The following CLASP2 variants were observed in gnomAD, a reference collection of about 807,000 sequenced individuals.
CLASP2 encodes cytoplasmic linker associated protein 2, also known as CLIP-associating protein 2.
CLASP2 carries 47 observed loss-of-function variants against 194.4 expected under a neutral mutation model. The observed-to-expected ratio is 0.24, with a 90% CI of 0.19 to 0.31. The LOEUF is 0.31. Among genes scored for constraint, CLASP2 ranks in the 10% least tolerant of loss-of-function variants. CLASP2 has a pLI of 1.00. For synonymous variants in CLASP2, 619 were observed against 633.5 expected (o/e 0.98, Z 0.34); for missense variants, 1,445 against 1,823.6 (o/e 0.79, Z 3.78).
At chr3:33,602,593 G>C (rs1316690459) in intron 18 of CLASP2, 1 of 759,292 alleles carries the variant, frequency 1.3e-6, no homozygotes, top group Non-Finnish European at 2.4e-6. Flanking sequence ...TCACATTCTT[G>C]GTAAGAGAAG....
chr3:33,715,972 A>T (rs1340971235), intron 1 of CLASP2, among the ~76,000 whole-genome samples: 1 of 152,166 alleles, frequency 6.6e-6, no homozygotes, highest in African/African-American at 2.4e-5. Flanking sequence ...TCTATGCTAT[A>T]GAATTCAACA....
intron 29 of CLASP2, among the ~76,000 whole-genome samples, chr3:33,556,735 C>A (rs908538148): frequency 1.3e-5 from 2 of 151,888 alleles, no homozygotes; most frequent in African/African-American, 2.4e-5. Context: ...CCGTGCCCAG[C>A]CAAAAAGTGA....
At chr3:33,576,941 A>G (rs554481905) in intron 23 of CLASP2, among the ~76,000 whole-genome samples, 52 of 151,982 alleles carry the variant, frequency 3.4e-4, no homozygotes, top group African/African-American at 1.2e-3. Flanking sequence ...AGATGAGAAC[A>G]TAAAAACAAT....
intron 32 of CLASP2, 22 bp downstream of exon 32, chr3:33,543,411 T>C (rs747280547): frequency 2.1e-6 from 3 of 1,399,422 alleles, no homozygotes; most frequent in African/African-American, 2.8e-5. Flanking sequence ...CAAACCATCA[T>C]GAAAAATCAT....
chr3:33,694,199 C>A (rs749341510), intron 2 of CLASP2, among the ~76,000 whole-genome samples: 2 of 151,866 alleles, frequency 1.3e-5, no homozygotes, highest in Non-Finnish European at 2.9e-5. Flanking sequence ...AAAGTACTTG[C>A]TAAAGATTAC....
chr3:33,655,830 CTT>C (rs1559546539), intron 7 of CLASP2, among the ~76,000 whole-genome samples: 1 of 152,070 alleles, frequency 6.6e-6, no homozygotes, highest in Non-Finnish European at 1.5e-5. Context: ...TATATCATCA[CTT>C]TTATATATAT....
intron 6 of CLASP2, among the ~76,000 whole-genome samples, chr3:33,671,398 G>C (rs931192213): frequency 1.3e-5 from 2 of 152,170 alleles, no homozygotes; most frequent in African/African-American, 2.4e-5. Context: ...ACCAGATCCA[G>C]TTATGGAAGA....
rs1306348834 is a variant in CLASP2 at position 33,543,378 on chromosome 3, G to T, written c.3404+55C>A. 5 of 1,231,448 alleles carry T rather than the reference G, an allele frequency of 4.1e-6. No homozygotes were observed. In the East Asian group the frequency reaches 7.0e-5, roughly 17 times the overall value. 76.3% of individuals were successfully genotyped at this position (1,231,448 alleles called of 1,614,324 possible). On this transcript the variant is annotated intron_variant, in intron 32 of 38. Coordinates refer to ENST00000682230, the MANE Select transcript of CLASP2 (RefSeq NM_001365631.1). ...ACAGAGCAAGACTCTGTCTCAAAAA[G>T]AAAGAATGGGAATTTACAAATACAA... is the stretch of plus-strand genomic sequence containing the variant.
At chr3:33,498,792 T>C (rs2046140831) in intron 38 of CLASP2, 75 bp from the exon 39 acceptor site, 1 of 787,582 alleles carries the variant, frequency 1.3e-6, no homozygotes, top group Non-Finnish European at 2.1e-6. Context: ...AAATATTATA[T>C]ACATATATGT....
intron 37 of CLASP2, among the ~76,000 whole-genome samples, chr3:33,507,143 G>A (rs2048483709): frequency 1.3e-5 from 2 of 151,850 alleles, no homozygotes; most frequent in Non-Finnish European, 2.9e-5. Context: ...TTTCACTATG[G>A]CCAGGCTGGT....
At chr3:33,598,955 A>T (rs1401709046) in intron 18 of CLASP2, among the ~76,000 whole-genome samples, 1 of 152,216 alleles carries the variant, frequency 6.6e-6, no homozygotes, top group Non-Finnish European at 1.5e-5. Context: ...GCTGCCAAAA[A>T]ATTCAGTACT....
chr3:33,575,288 A>G (rs1339530060), intron 24 of CLASP2, among the ~76,000 whole-genome samples: 2 of 152,226 alleles, frequency 1.3e-5, no homozygotes, highest in Non-Finnish European at 1.5e-5. Flanking sequence ...GTGATATTCA[A>G]TAAATTATAG....
At chr3:33,658,315 A>G (rs1262152760) in intron 7 of CLASP2, among the ~76,000 whole-genome samples, 3 of 152,204 alleles carry the variant, frequency 2.0e-5, no homozygotes, top group Admixed American at 6.5e-5. Context: ...TATTAAGTAT[A>G]CAAAAGTGCT....
At chr3:33,686,358 G>A (rs2090673413) in intron 5 of CLASP2, among the ~76,000 whole-genome samples, 1 of 152,150 alleles carries the variant, frequency 6.6e-6, no homozygotes, top group South Asian at 2.1e-4. Context: ...CACAACAGGA[G>A]GTGAGCAGCA....
chr3:33,537,134 C>T (rs1416153546), intron 33 of CLASP2, among the ~76,000 whole-genome samples: 1 of 152,120 alleles, frequency 6.6e-6, no homozygotes, highest in Non-Finnish European at 1.5e-5. Context: ...GGGATTTGAA[C>T]TCATTTCCCA....
At chr3:33,535,896 CA>C (rs2057231954) in intron 33 of CLASP2, among the ~76,000 whole-genome samples, 1 of 130,376 alleles carries the variant, frequency 7.7e-6, no homozygotes, top group Admixed American at 7.7e-5. Flanking sequence ...ATAATAAAAT[CA>C]AATTTAAAAA....
chr3:33,557,217 G>T (rs369989824), intron 29 of CLASP2, among the ~76,000 whole-genome samples: 1 of 151,502 alleles, frequency 6.6e-6, no homozygotes, highest in South Asian at 2.1e-4. Flanking sequence ...CAAGTGATCC[G>T]CCTGCCTCAG....
intron 6 of CLASP2, among the ~76,000 whole-genome samples, chr3:33,679,672 T>TA (rs910352260): frequency 3.4e-4 from 52 of 152,038 alleles, no homozygotes; most frequent in African/African-American, 1.2e-3. Flanking sequence ...AATGCAAAAT[T>TA]AAAACATGAT....
Position 33,498,532 on chromosome 3 carries a change from G to A in CLASP2, c.*99C>T, listed in dbSNP as rs1174388908. 2.7e-6 allele frequency: 2 copies of A among 728,164 alleles called. No individual in the cohort carries two copies. The highest frequency in any genetic ancestry group is 2.6e-5 in the East Asian group (1 of 38,056). 45.1% of individuals were successfully genotyped at this position (728,164 alleles called of 1,614,324 possible). A position where few individuals can be genotyped will look rare whatever the true frequency, so the allele number is the denominator to read the frequency against. On this transcript the variant is annotated 3_prime_UTR_variant, in exon 39 of 39. Coordinates refer to ENST00000682230, the MANE Select transcript of CLASP2 (RefSeq NM_001365631.1). ...AAAAAACTAAAACTGGGAAACAATA[G>A]TAAGTTCCAAAGGATGTGTTTGAGA...
Sources: gnomAD v4.1 joint callset for allele counts (sites outside exome capture counted in the v4.1 genomes callset) on GRCh38, gnomAD v4.1.1 for gene constraint, MANE v1.5 for transcripts, NCBI Gene and HGNC (gene_info 2026-07-23, HGNC 2026-07-21) for gene names.